The following NELL2 variants were observed in gnomAD, a reference collection of about 807,000 sequenced individuals.
NELL2 encodes protein kinase C-binding protein NELL2.
Under a neutral mutation model 109.6 loss-of-function variants are expected in NELL2, and 41 were observed. The observed-to-expected ratio is 0.37, with a 90% CI of 0.29 to 0.49. The LOEUF is 0.49. Ranked by LOEUF, NELL2 falls within the 20% of genes least tolerant of loss-of-function variation. NELL2 has a pLI of 0.98. For synonymous variants in NELL2, 355 were observed against 344.7 expected, an observed-to-expected ratio of 1.03 and a Z score of -0.33; for missense variants, 900 against 1,008.3, an observed-to-expected ratio of 0.89 and a Z score of 1.45.
At chr12:44,562,869 T>A (rs942531068) in intron 15 of NELL2, among the ~76,000 whole-genome samples, 1 of 152,202 alleles carries the variant, frequency 6.6e-6, no homozygotes, top group Non-Finnish European at 1.5e-5. Flanking sequence ...CATGCACACG[T>A]ATGTTTATTG....
intron 12 of NELL2, among the ~76,000 whole-genome samples, chr12:44,673,699 A>AT (rs1429295764): frequency 6.6e-6 from 1 of 152,344 alleles, no homozygotes; most frequent in East Asian, 1.9e-4. Flanking sequence ...AATCCAGGAA[A>AT]TGGATGATGA....
intron 13 of NELL2, among the ~76,000 whole-genome samples, chr12:44,631,700 A>C (rs867145526): frequency 6.6e-6 from 1 of 152,244 alleles, no homozygotes; most frequent in African/African-American, 2.4e-5. Context: ...GAAATTATTA[A>C]AAAAGTAGAT....
chr12:44,682,762 C>T (rs189492941), intron 12 of NELL2, among the ~76,000 whole-genome samples: 9 of 152,136 alleles, frequency 5.9e-5, no homozygotes, highest in South Asian at 2.1e-4. Context: ...GGCTCTGTTC[C>T]GTTCCATTGA....
intron 15 of NELL2, among the ~76,000 whole-genome samples, chr12:44,556,440 A>G (rs1222717585): frequency 2.0e-5 from 3 of 152,176 alleles, no homozygotes; most frequent in East Asian, 1.9e-4. Flanking sequence ...CCAGCACCCA[A>G]ATGGCAATCT....
chr12:44,544,175 C>T (rs1442791279), intron 15 of NELL2, among the ~76,000 whole-genome samples: 1 of 151,746 alleles, frequency 6.6e-6, no homozygotes, highest in African/African-American at 2.4e-5. Context: ...GAAAAGGTAA[C>T]CAATAGAGGA....
intron 13 of NELL2, among the ~76,000 whole-genome samples, chr12:44,639,384 C>T (rs1052094694): frequency 1.7e-4 from 26 of 152,162 alleles, no homozygotes; most frequent in African/African-American, 5.5e-4. Flanking sequence ...ATCATAACGA[C>T]GACCATGACA....
intron 3 of NELL2, among the ~76,000 whole-genome samples, chr12:44,781,980 A>T (rs114909805): frequency 0.014 from 2,054 of 152,094 alleles, 46 homozygotes; most frequent in African/African-American, 0.046. Context: ...ATAGTATGTA[A>T]AAAAGAAAAA....
intron 9 of NELL2, among the ~76,000 whole-genome samples, chr12:44,758,095 T>C (rs1940969365): frequency 6.6e-6 from 1 of 152,054 alleles, no homozygotes; most frequent in South Asian, 2.1e-4. Flanking sequence ...ACACAAGGTA[T>C]ATGAAAACTC....
rs80050018 is a variant in NELL2 at position 44,550,856 on chromosome 12, C to T, written c.1664-18135G>A. On this transcript the variant is annotated intron_variant, in intron 15 of 19. Coordinates refer to ENST00000429094, the MANE Select transcript of NELL2 (RefSeq NM_001145108.2). ...AAGGTAGAATGGTGTTTTCCAGCAGCTGAGGTTAAGGGGAAAGGGGAAGGT... is the reference window on the plus strand; with the variant it reads ...AAGGTAGAATGGTGTTTTCCAGCAGTTGAGGTTAAGGGGAAAGGGGAAGGT... 5.3e-5 allele frequency among the ~76,000 whole-genome samples: 8 copies of T among 152,128 alleles called. No individual in the cohort carries two copies. The East Asian group carries it at 1.5e-3, about 29-fold the overall frequency.
At chr12:44,652,925 T>C (rs1036217580) in intron 13 of NELL2, among the ~76,000 whole-genome samples, 17 of 152,302 alleles carry the variant, frequency 1.1e-4, no homozygotes, top group African/African-American at 4.1e-4. Flanking sequence ...AGGTTGCATG[T>C]CTCTGACCAG....
chr12:44,525,886 A>G (rs530667134), intron 16 of NELL2, among the ~76,000 whole-genome samples: 3 of 152,200 alleles, frequency 2.0e-5, no homozygotes, highest in Admixed American at 6.5e-5. Context: ...CAATTATACT[A>G]TGATTAATAT....
chr12:44,747,847 A>G (rs1940461600), intron 9 of NELL2, among the ~76,000 whole-genome samples: 1 of 152,124 alleles, frequency 6.6e-6, no homozygotes, highest in Non-Finnish European at 1.5e-5. Context: ...ACTTGTATGA[A>G]TTTTAGACTT....
chr12:44,695,115 G>A (rs1377308508), intron 12 of NELL2, among the ~76,000 whole-genome samples: 1 of 149,514 alleles, frequency 6.7e-6, no homozygotes, highest in African/African-American at 2.5e-5. Flanking sequence ...GGAGGAAAGA[G>A]GAGGGAGAGA....
At chr12:44,745,620 A>G (rs944903230) in intron 9 of NELL2, among the ~76,000 whole-genome samples, 1 of 152,138 alleles carries the variant, frequency 6.6e-6, no homozygotes, top group African/African-American at 2.4e-5. Flanking sequence ...ATACAAAATC[A>G]ATGTACAAAA....
At chr12:44,736,317 T>C (rs1325910058) in intron 9 of NELL2, among the ~76,000 whole-genome samples, 5 of 152,048 alleles carry the variant, frequency 3.3e-5, no homozygotes, top group Non-Finnish European at 7.4e-5. Flanking sequence ...CCTTCTTTAT[T>C]TTTTTAAAAA....
intron 3 of NELL2, among the ~76,000 whole-genome samples, chr12:44,809,652 T>A (rs921733600): frequency 5.3e-5 from 8 of 152,070 alleles, no homozygotes; most frequent in Non-Finnish European, 7.4e-5. Context: ...AAATGAAGCT[T>A]TGTTCATGGC....
Position 44,875,326 on chromosome 12 carries a change from AGGGAAG to A in NELL2, c.77_82del (p.Pro26_Ser27del), listed in dbSNP as rs779355711. The A allele has an allele frequency of 1.2e-6, 2 of 1,614,124 alleles. No homozygotes were observed. Among genetic ancestry groups the A allele is most frequent in the East Asian group, 4.5e-5 (2 of 44,876 alleles). On this transcript the variant is annotated inframe_deletion, in exon 2 of 20. Coordinates refer to ENST00000429094, the MANE Select transcript of NELL2 (RefSeq NM_001145108.2). ...TAACTCTGTTAAGACGTCAATCTGT[AGGGAAG>A]GGTCCACACCAAGCCCCCAAACTGG...
chr12:44,876,334 C>G (rs1213495837), upstream of NELL2: 12 of 1,181,934 alleles, frequency 1.0e-5, no homozygotes, highest in Middle Eastern at 3.5e-4. Context: ...CTCCGGGAGA[C>G]GCGCGGAGAG....
chr12:44,546,976 A>T (rs992531222), intron 15 of NELL2, among the ~76,000 whole-genome samples: 1 of 152,196 alleles, frequency 6.6e-6, no homozygotes, highest in South Asian at 2.1e-4. Flanking sequence ...TCTAATTTCC[A>T]TTACAATCAT....
Sources: gnomAD v4.1 joint callset for allele counts (sites outside exome capture counted in the v4.1 genomes callset) on GRCh38, gnomAD v4.1.1 for gene constraint, MANE v1.5 for transcripts, NCBI Gene and HGNC (gene_info 2026-07-23, HGNC 2026-07-21) for gene names.